MYO9B: variants seen among roughly 807,000 people sequenced by gnomAD.
MYO9B encodes the protein myosin IXB.
Under a neutral mutation model 229.5 loss-of-function variants are expected in MYO9B, and 71 were observed. The observed-to-expected ratio is 0.31, with a 90% CI of 0.26 to 0.38. The LOEUF (loss-of-function observed/expected upper bound fraction) is 0.38. Among genes scored for constraint, MYO9B ranks in the 10% least tolerant of loss-of-function variants. The pLI, the probability that MYO9B is intolerant of heterozygous loss-of-function variation, is 1.00. For synonymous variants in MYO9B, 1,185 were observed against 1,235.8 expected, an observed-to-expected ratio of 0.96 and a Z score of 0.86; for missense variants, 2,255 against 2,920.5, an observed-to-expected ratio of 0.77 and a Z score of 5.25.
intron 2 of MYO9B, among the ~76,000 whole-genome samples, chr19:17,118,233 T>A (rs957364992): frequency 3.9e-5 from 6 of 151,954 alleles, no homozygotes; most frequent in Admixed American, 6.6e-5. Flanking sequence ...TAGAGGCCTT[T>A]AGAGAGTACA....
chr19:17,092,176 C>T (rs945728430), intron 1 of MYO9B, among the ~76,000 whole-genome samples: 1 of 152,228 alleles, frequency 6.6e-6, no homozygotes, highest in Non-Finnish European at 1.5e-5. Context: ...TCGCTCAGAG[C>T]TGCTCTCTGC....
intron 1 of MYO9B, among the ~76,000 whole-genome samples, chr19:17,080,127 T>G (rs560062425): frequency 6.6e-6 from 1 of 152,174 alleles, no homozygotes; most frequent in Admixed American, 6.5e-5. Flanking sequence ...GTCGGAGTGA[T>G]GAATAAGATA....
At chr19:17,162,039 C>T (rs1394377704) in intron 8 of MYO9B, among the ~76,000 whole-genome samples, 3 of 150,664 alleles carry the variant, frequency 2.0e-5, no homozygotes, top group Non-Finnish European at 4.4e-5. Flanking sequence ...GACACAGTGG[C>T]TTATGCCTGT....
At chr19:17,087,117 A>G (rs1333075716) in intron 1 of MYO9B, among the ~76,000 whole-genome samples, 1 of 152,182 alleles carries the variant, frequency 6.6e-6, no homozygotes, top group Non-Finnish European at 1.5e-5. Flanking sequence ...CTGAAGGAAC[A>G]TTTGTTAACC....
chr19:17,194,631 T>G lies in MYO9B; in HGVS notation c.3204T>G (p.Gly1068=). The stretch of plus-strand genomic sequence containing the variant: ...AAGCCCTGGAAGCCGCAAGAGCAGG[T>G]GCTGAGGAGGGCGGACAGGGTCAGG... ...EREALEAARA[G]AEEGGQGQAA... The change falls in exon 22 of 40, where the codon GGT becomes GGG. Residue 1068 remains glycine, a synonymous_variant. Transcript: ENST00000682292. 1 of 1,612,374 alleles carries G rather than the reference T, an allele frequency of 6.2e-7. No homozygotes were observed. Among genetic ancestry groups the G allele is most frequent in the Non-Finnish European group, 8.5e-7 (1 of 1,179,658 alleles).
chr19:17,132,418 C>T (rs2072210003), intron 2 of MYO9B, among the ~76,000 whole-genome samples: 1 of 150,706 alleles, frequency 6.6e-6, no homozygotes, highest in Non-Finnish European at 1.5e-5. Flanking sequence ...AACCCCTGAC[C>T]TCAAGTGATC....
Position 17,145,279 on chromosome 19 carries a change from G to A in MYO9B, c.841-118G>A, listed in dbSNP as rs1289427936. ...TGACAGAACAAGACTGTCTCCAAGA[G>A]AAAAAATAGATAAATTGAACAATAC... On this transcript the variant is annotated intron_variant, in intron 2 of 39. Coordinates refer to ENST00000682292, the MANE Select transcript of MYO9B (RefSeq NM_004145.4). 12 of 1,005,002 alleles carry A rather than the reference G, an allele frequency of 1.2e-5. No homozygotes were observed. The Admixed American group carries it at 2.1e-4, about 17-fold the overall frequency. The allele number at this position is 1,005,002 out of a possible 1,614,324, so 62.3% of individuals were successfully genotyped here.
At chr19:17,183,070 C>T (rs1188237797) in intron 15 of MYO9B, among the ~76,000 whole-genome samples, 2 of 152,062 alleles carry the variant, frequency 1.3e-5, no homozygotes, top group South Asian at 2.1e-4. Context: ...TACAGGCACC[C>T]GCCACCACAC....
chr19:17,081,367 A>G (rs1049166755), intron 1 of MYO9B, among the ~76,000 whole-genome samples: 1 of 152,176 alleles, frequency 6.6e-6, no homozygotes, highest in Non-Finnish European at 1.5e-5. Flanking sequence ...CTGGAGGGAA[A>G]TGATCGTGTC....
chr19:17,080,684 A>G (rs2057526262), intron 1 of MYO9B, among the ~76,000 whole-genome samples: 2 of 152,146 alleles, frequency 1.3e-5, no homozygotes, highest in South Asian at 2.1e-4. Flanking sequence ...CCTGGACAAC[A>G]TAGCAAGATC....
Position 17,163,128 on chromosome 19 carries a change from G to T in MYO9B, c.1671+6G>T. On this transcript the variant is annotated splice_donor_region_variant and intron_variant, in intron 10 of 39. Coordinates refer to ENST00000682292, the MANE Select transcript of MYO9B (RefSeq NM_004145.4). Reference sequence around the variant, plus strand: ...ACATCTTCAAGCTGGAGCAGGTGCGGAAAGGGCTTTTTTGTCAATTTTTTG... The same window carrying T: ...ACATCTTCAAGCTGGAGCAGGTGCGTAAAGGGCTTTTTTGTCAATTTTTTG... 1.3e-6 allele frequency: 2 copies of T among 1,549,832 alleles called. No homozygotes were observed. The highest frequency in any genetic ancestry group is 1.7e-6 in the Non-Finnish European group (2 of 1,146,578).
chr19:17,153,385 A>G lies in MYO9B; in HGVS notation c.999-582A>G, dbSNP rs546235271. On this transcript the variant is annotated intron_variant, in intron 4 of 39. Transcript: ENST00000682292. ...CCCGGCTAGAGTCCTTGTCTCTTTT[A>G]AAAAAAAAAAAAAAAGAAAGGCCTG... Among the ~76,000 whole-genome samples the G allele has an allele frequency of 5.5e-5, 4 of 72,840 alleles. No individual in the cohort carries two copies. In the South Asian group the frequency reaches 1.6e-3, roughly 29 times the overall value. The allele number at this position is 72,840 out of a possible 152,430, so 47.8% of individuals were successfully genotyped here.
In MYO9B at chr19:17,172,753, C is replaced by T. The variant is rs948197768; in HGVS notation, c.1936-6C>T. ...CGAGTGACCGCCCACATCCATCCCC[C>T]ACCAGGACTTCCGGGAGAAGAACAT... is the stretch of plus-strand genomic sequence containing the variant. On this transcript the variant is annotated splice_polypyrimidine_tract_variant and splice_region_variant and intron_variant, in intron 12 of 39. Coordinates refer to ENST00000682292, the MANE Select transcript of MYO9B (RefSeq NM_004145.4). This position sits in a 1 kb window ranked among gnomAD's most constrained non-coding sequence, Gnocchi z 8.2. 5 of 1,613,394 alleles carry T rather than the reference C, an allele frequency of 3.1e-6. No homozygotes were observed. The highest frequency in any genetic ancestry group is 1.1e-5 in the South Asian group (1 of 91,078).
At chr19:17,129,365 G>T (rs1319118475) in intron 2 of MYO9B, among the ~76,000 whole-genome samples, 3 of 152,184 alleles carry the variant, frequency 2.0e-5, no homozygotes, top group African/African-American at 7.2e-5. Context: ...TCGTGCCACT[G>T]CACTCCAGCT....
intron 2 of MYO9B, among the ~76,000 whole-genome samples, chr19:17,133,489 C>T (rs1187653658): frequency 6.6e-6 from 1 of 152,158 alleles, no homozygotes; most frequent in African/African-American, 2.4e-5. Context: ...CAGGGTCTCG[C>T]TCTGTCACCC....
At chr19:17,082,761 A>G (rs998322274) in intron 1 of MYO9B, among the ~76,000 whole-genome samples, 3 of 152,084 alleles carry the variant, frequency 2.0e-5, no homozygotes, top group African/African-American at 7.2e-5. Flanking sequence ...TTTGGCCCAT[A>G]GGTGCCGTGG....
At chr19:17,180,423 G>C (rs889931221) in intron 14 of MYO9B, among the ~76,000 whole-genome samples, 5 of 129,852 alleles carry the variant, frequency 3.9e-5, no homozygotes, top group African/African-American at 5.8e-5. Context: ...CACTATCTCA[G>C]CTCACTGCAA....
At chr19:17,142,502 C>T (rs2072354266) in intron 2 of MYO9B, among the ~76,000 whole-genome samples, 1 of 152,036 alleles carries the variant, frequency 6.6e-6, no homozygotes, top group Non-Finnish European at 1.5e-5. Context: ...ACCCACTTAT[C>T]TTCCCACCAA....
intron 19 of MYO9B, 69 bp downstream of exon 19, chr19:17,188,114 G>C: frequency 2.2e-6 from 3 of 1,380,216 alleles, no homozygotes; most frequent in Admixed American, 4.0e-5. Context: ...CTTCCAAAGA[G>C]AGCTCCTTGC....
Sources: gnomAD v4.1 joint callset for allele counts (sites outside exome capture counted in the v4.1 genomes callset) on GRCh38, gnomAD v4.1.1 for gene constraint, Gnocchi (gnomAD v3.1) non-coding constraint, MANE v1.5 for transcripts, NCBI Gene and HGNC (gene_info 2026-07-23, HGNC 2026-07-21) for gene names.